Variants in CD44 observed in about 807,000 individuals in gnomAD.
CD44 encodes the protein CD44 antigen.
In CD44, 49 loss-of-function variants were observed where a neutral mutation model predicts 88.8. The ratio of observed to expected loss-of-function variants is 0.55; its 90% CI spans 0.44 to 0.70. The LOEUF is 0.70. Among genes scored for constraint, CD44 ranks in the 30% least tolerant of loss-of-function variants. The pLI, the probability that CD44 is intolerant of heterozygous loss-of-function variation, is 0.00. For missense variants in CD44, 883 were observed against 913.8 expected, an observed-to-expected ratio of 0.97 and a Z score of 0.43; for synonymous variants, 325 against 312.3, an observed-to-expected ratio of 1.04 and a Z score of -0.43.
intron 14 of CD44, among the ~76,000 whole-genome samples, chr11:35,212,027 G>A (rs1948441338): frequency 6.6e-6 from 1 of 152,028 alleles, no homozygotes; most frequent in Admixed American, 6.6e-5. Context: ...TAGTATTAAT[G>A]AATAGGGACC....
In CD44 at chr11:35,210,041, T is replaced by C; in HGVS notation, c.1593T>C (p.Thr531=). 6.4e-7 allele frequency: 1 copy of C among 1,551,952 alleles called. No individual in the cohort carries two copies. Among genetic ancestry groups the C allele is most frequent in the Non-Finnish European group, 8.7e-7 (1 of 1,154,310 alleles). ...EEDKDHPTTS[T]LTSSNRNDVT... is the part of the protein sequence containing the mutation. ...ATAAAGACCATCCAACAACTTCTACTCTGACATCAAGCAGTAAGGATTATA... is the reference window on the plus strand; with the variant it reads ...ATAAAGACCATCCAACAACTTCTACCCTGACATCAAGCAGTAAGGATTATA... Residue 531 remains threonine, a synonymous_variant, in exon 13 of 18, where the codon ACT becomes ACC. Transcript: ENST00000428726.
At chr11:35,209,814 A>G in intron 12 of CD44, 151 bp from the exon 13 acceptor site, 3 of 572,402 alleles carry the variant, frequency 5.2e-6, no homozygotes, top group Non-Finnish European at 6.1e-6. Flanking sequence ...GTATATTTCT[A>G]TCAATCAGAG....
At chr11:35,204,877 C>T in intron 10 of CD44, 1 of 426,032 alleles carries the variant, frequency 2.3e-6, no homozygotes, top group Non-Finnish European at 4.3e-6. Flanking sequence ...AGAAAATGCC[C>T]TTGAACATGT....
intron 1 of CD44, among the ~76,000 whole-genome samples, chr11:35,164,946 G>A (rs1354535512): frequency 6.6e-6 from 1 of 152,152 alleles, no homozygotes; most frequent in Non-Finnish European, 1.5e-5. Flanking sequence ...GGAGCCCCTG[G>A]TTTATTGCAG....
At chr11:35,187,987 G>A (rs1282554729) in intron 4 of CD44, among the ~76,000 whole-genome samples, 1 of 152,188 alleles carries the variant, frequency 6.6e-6, no homozygotes, top group Non-Finnish European at 1.5e-5. Context: ...TTACAGGCAT[G>A]AGCCACCATG....
intron 15 of CD44, among the ~76,000 whole-genome samples, chr11:35,215,473 A>C (rs1052624473): frequency 6.6e-6 from 1 of 152,230 alleles, no homozygotes; most frequent in South Asian, 2.1e-4. Flanking sequence ...TAATCCTGGC[A>C]CATGATATCA....
chr11:35,197,763 G>C (rs1946903663), intron 6 of CD44: 1 of 174,442 alleles, frequency 5.7e-6, no homozygotes, highest in Non-Finnish European at 1.2e-5. Context: ...TTTCCATTCT[G>C]TTCTTGATGG....
At chr11:35,150,706 G>A (rs1024032036) in intron 1 of CD44, among the ~76,000 whole-genome samples, 2 of 152,132 alleles carry the variant, frequency 1.3e-5, no homozygotes, top group Non-Finnish European at 2.9e-5. Flanking sequence ...TTGCTGATAC[G>A]GTTCAGTCAT....
intron 1 of CD44, among the ~76,000 whole-genome samples, chr11:35,144,716 A>G (rs948675989): frequency 1.8e-4 from 28 of 152,228 alleles, no homozygotes; most frequent in African/African-American, 6.8e-4. Context: ...CAGGATCTCA[A>G]ATATGCAAAC....
chr11:35,168,034 C>T (rs974705061), intron 1 of CD44, among the ~76,000 whole-genome samples: 2 of 152,248 alleles, frequency 1.3e-5, no homozygotes, highest in African/African-American at 4.8e-5. Context: ...AATCTCCTCT[C>T]TGGAGAGAGA....
chr11:35,214,830 C>A (rs371386627), intron 14 of CD44, 22 bp from the exon 15 acceptor site: 21 of 1,469,690 alleles, frequency 1.4e-5, no homozygotes, highest in Middle Eastern at 3.5e-4. Context: ...GCAGTACTGA[C>A]CTTCCTGATT....
Position 35,180,316 on chromosome 11 carries a change from C to A in CD44, c.276C>A (p.His92Gln), listed in dbSNP as rs746224261. ...GGCACGTGGTGATTCCCCGGATCCA[C>A]CCCAACTCCATCTGTGCAGCAAACA... ...IEGHVVIPRIHPNSICAANNT... is the reference protein window; with the variant it reads ...IEGHVVIPRIQPNSICAANNT... Residue 92 changes from histidine (H) to glutamine (Q), a missense_variant, in exon 3 of 18, where the codon CAC becomes CAA. Coordinates refer to ENST00000428726, the MANE Select transcript of CD44 (RefSeq NM_000610.4). 6.2e-7 allele frequency: 1 copy of A among 1,614,108 alleles called. No individual in the cohort carries two copies. Among genetic ancestry groups the A allele is most frequent in the South Asian group, 1.1e-5 (1 of 91,086 alleles).
Position 35,204,622 on chromosome 11 carries a change from T to C in CD44, c.1264T>C (p.Ser422Pro). Residue 422 changes from serine (S) to proline (P), a missense_variant, in exon 10 of 18, where the codon TCG (serine) becomes CCG (proline). Ser to Pro is a moderately conservative substitution (Grantham distance 74). This residue lies in a region of CD44 where 631 missense variants were observed against 590.9 expected (regional missense o/e 1.07). Coordinates refer to ENST00000428726, the MANE Select transcript of CD44 (RefSeq NM_000610.4). ...YRQTPKEDSH[S>P]TTGTAAASAH... ...CCAAACACCCAAAGAAGACTCCCATTCGACAACAGGGACAGCTGGTAATGG... is the reference window on the plus strand; with the variant it reads ...CCAAACACCCAAAGAAGACTCCCATCCGACAACAGGGACAGCTGGTAATGG... 1.2e-6 allele frequency: 2 copies of C among 1,613,200 alleles called. No homozygotes were observed. Among genetic ancestry groups the C allele is most frequent in the Non-Finnish European group, 1.7e-6 (2 of 1,179,338 alleles).
rs995314163 is a variant in CD44, at chr11:35,206,131, C to T, written c.1302C>T (p.Ser434=). 6 of 1,610,038 alleles carry T rather than the reference C, an allele frequency of 3.7e-6. No individual in the cohort carries two copies. The African/African-American group carries it at 8.0e-5, about 22-fold the overall frequency. The stretch of plus-strand genomic sequence containing the variant: ...TCACAGCAGCCTCAGCTCATACCAG[C>T]CATCCAATGCAAGGAAGGACAACAC... ...TGTAAASAHT[S]HPMQGRTTPS... The change falls in exon 11 of 18, where the codon AGC becomes AGT. Residue 434 remains serine, a synonymous_variant. Coordinates refer to ENST00000428726, the MANE Select transcript of CD44 (RefSeq NM_000610.4).
chr11:35,228,602 AC>A (rs1222686946), intron 17 of CD44, among the ~76,000 whole-genome samples: 1 of 152,240 alleles, frequency 6.6e-6, no homozygotes, highest in African/African-American at 2.4e-5. Context: ...AGTCAGACAG[AC>A]CAGGGTTTGA....
intron 3 of CD44, among the ~76,000 whole-genome samples, chr11:35,181,858 AATTTAT>A (rs1183928817): frequency 1.4e-4 from 10 of 74,020 alleles, no homozygotes; most frequent in African/African-American, 5.5e-4. Context: ...TTTATATATA[AATTTAT>A]ATATATATAT....
chr11:35,202,493 C>T (rs902755046), intron 9 of CD44, among the ~76,000 whole-genome samples: 1 of 152,144 alleles, frequency 6.6e-6, no homozygotes, highest in Non-Finnish European at 1.5e-5. Context: ...TTTTATCTAT[C>T]CCGCTGAGAT....
chr11:35,155,269 A>G (rs1357647326), intron 1 of CD44, among the ~76,000 whole-genome samples: 2 of 152,214 alleles, frequency 1.3e-5, no homozygotes, highest in Non-Finnish European at 2.9e-5. Context: ...TGAAGCACAA[A>G]TTCAGGGTTT....
At position 35,229,593 on chromosome 11, in the gene CD44, T is replaced by A; in HGVS notation, c.*260T>A. The A allele has an allele frequency of 2.1e-6, 1 of 468,460 alleles. No homozygotes were observed. Among genetic ancestry groups the A allele is most frequent in the Non-Finnish European group, 3.9e-6 (1 of 259,704 alleles). 29.0% of individuals were successfully genotyped at this position (468,460 alleles called of 1,614,324 possible). On this transcript the variant is annotated 3_prime_UTR_variant, in exon 18 of 18. Transcript: ENST00000428726. ...TCGTTCCAGTTCCCACTTGGAGGCC[T>A]TTCATCCCTCGGGTGTGCTATGGAT...
Sources: gnomAD v4.1 joint callset for allele counts (sites outside exome capture counted in the v4.1 genomes callset) on GRCh38, gnomAD v4.1.1 for gene constraint, gnomAD v4.1.1 regional missense constraint, MANE v1.5 for transcripts, NCBI Gene and HGNC (gene_info 2026-07-23, HGNC 2026-07-21) for gene names.